Variants in EPHX2 observed in about 807,000 individuals in gnomAD.
EPHX2 encodes the protein bifunctional epoxide hydrolase 2.
EPHX2 carries 74 observed loss-of-function variants against 78.7 expected under a neutral mutation model. That is an observed-to-expected ratio of 0.94 (90% CI 0.78 to 1.14). The LOEUF (loss-of-function observed/expected upper bound fraction) is 1.14, where lower values mean the gene tolerates loss of function less well. Ranked by LOEUF, EPHX2 falls within the 50% of genes most tolerant of loss-of-function variation. The probability of loss-of-function intolerance (pLI) is 0.00; values close to 1 mark genes in which losing one functional copy is unlikely to be tolerated. For missense variants in EPHX2, 715 were observed against 702.5 expected (o/e 1.02, Z -0.20); for synonymous variants, 251 against 255.2 (o/e 0.98, Z 0.16).
chr8:27,533,882 C>T (rs1456851148), intron 12 of EPHX2, among the ~76,000 whole-genome samples: 1 of 152,196 alleles, frequency 6.6e-6, no homozygotes, highest in African/African-American at 2.4e-5. Context: ...GCCACCACAC[C>T]TAGACTCTTT....
intron 5 of EPHX2, among the ~76,000 whole-genome samples, chr8:27,507,244 T>G (rs1250620150): frequency 6.6e-6 from 1 of 152,202 alleles, no homozygotes; most frequent in African/African-American, 2.4e-5. Flanking sequence ...GCCGGGGAAC[T>G]GGCAGCAAGA....
At chr8:27,501,237 A>G (rs1813756693) in intron 2 of EPHX2, among the ~76,000 whole-genome samples, 1 of 152,236 alleles carries the variant, frequency 6.6e-6, no homozygotes, top group Non-Finnish European at 1.5e-5. Flanking sequence ...TGGGAAGAAC[A>G]TTATTGAATT....
intron 7 of EPHX2, 41 bp downstream of exon 7, chr8:27,515,854 TG>T (rs1563349485): frequency 6.4e-7 from 1 of 1,566,326 alleles, no homozygotes. Context: ...AGGGTGAGGT[TG>T]GGGGAGTCTA....
In EPHX2 at chr8:27,544,588, T is replaced by A. The variant is rs1364590384; in HGVS notation, c.*66T>A. 2.6e-6 allele frequency: 4 copies of A among 1,539,926 alleles called. No homozygotes were observed. In the East Asian group the frequency reaches 9.0e-5, roughly 35 times the overall value. The stretch of plus-strand genomic sequence containing the variant: ...CCACCTGCTGGGGCACCATTCTTAG[T>A]ATACAGAGGTGGCCTTACACACATC... On this transcript the variant is annotated 3_prime_UTR_variant, in exon 19 of 19. Coordinates refer to ENST00000521400, the MANE Select transcript of EPHX2 (RefSeq NM_001979.6).
rs773228498 is a variant in EPHX2 at position 27,491,268 on chromosome 8, C to A, written c.60C>A (p.Phe20Leu). 1.9e-5 allele frequency: 30 copies of A among 1,579,262 alleles called. No individual in the cohort carries two copies. The highest frequency in any genetic ancestry group is 2.5e-5 in the Non-Finnish European group (29 of 1,172,038). Residue 20 changes from phenylalanine to leucine, a missense_variant, in exon 1 of 19, where the codon TTC becomes TTA. Coordinates refer to ENST00000521400, the MANE Select transcript of EPHX2 (RefSeq NM_001979.6). Reference protein sequence around the residue: ...LDGVLALPAVFGVLGRTEEAL... With the variant: ...LDGVLALPAVLGVLGRTEEAL... Reference sequence around the variant, plus strand: ...GGGTGCTGGCGCTGCCAGCGGTGTTCGGCGTCCTCGGCCGCACGGAGGAGG... The same window carrying A: ...GGGTGCTGGCGCTGCCAGCGGTGTTAGGCGTCCTCGGCCGCACGGAGGAGG...
At chr8:27,513,577 CAG>C (rs896583687) in intron 6 of EPHX2, among the ~76,000 whole-genome samples, 22 of 152,308 alleles carry the variant, frequency 1.4e-4, no homozygotes, top group African/African-American at 2.2e-4. Flanking sequence ...GCCAGGCTCT[CAG>C]GGGGCTGTTG....
chr8:27,522,051 TG>T (rs1258232637), intron 10 of EPHX2, among the ~76,000 whole-genome samples: 1 of 151,970 alleles, frequency 6.6e-6, no homozygotes, highest in East Asian at 1.9e-4. Context: ...AGTGGGGTTG[TG>T]GGGGGTAGAA....
intron 14 of EPHX2, among the ~76,000 whole-genome samples, chr8:27,539,983 C>G (rs751840586): frequency 4.6e-5 from 7 of 152,190 alleles, no homozygotes; most frequent in Non-Finnish European, 7.3e-5. Context: ...GGGGTCATCA[C>G]AGGCCATCCT....
chr8:27,491,819 C>T (rs1586421716), intron 1 of EPHX2, among the ~76,000 whole-genome samples: 1 of 152,088 alleles, frequency 6.6e-6, no homozygotes, highest in African/African-American at 2.4e-5. Flanking sequence ...GAATCTGAAG[C>T]TATTTATACA....
intron 12 of EPHX2, among the ~76,000 whole-genome samples, chr8:27,532,283 G>C (rs1300952553): frequency 6.6e-6 from 1 of 152,108 alleles, no homozygotes; most frequent in Non-Finnish European, 1.5e-5. Context: ...GAAATGGGAG[G>C]AAAATAACAG....
chr8:27,536,108 C>T (rs1483080614), intron 12 of EPHX2, among the ~76,000 whole-genome samples: 1 of 152,134 alleles, frequency 6.6e-6, no homozygotes, highest in African/African-American at 2.4e-5. Context: ...CTGGAAGGAC[C>T]TGGTCATTTG....
Position 27,516,314 on chromosome 8 carries a change from T to C in EPHX2, c.832-6T>C. The stretch of plus-strand genomic sequence containing the variant: ...CCATGCTGGAGTGTGCCTGTTTGTT[T>C]TCTAGATCCCTGCTCTGGCCCAGGC... On this transcript the variant is annotated splice_polypyrimidine_tract_variant and splice_region_variant and intron_variant, in intron 7 of 18. Coordinates refer to ENST00000521400, the MANE Select transcript of EPHX2 (RefSeq NM_001979.6). 6.2e-7 allele frequency: 1 copy of C among 1,613,536 alleles called. No homozygotes were observed. Among genetic ancestry groups the C allele is most frequent in the East Asian group, 2.2e-5 (1 of 44,840 alleles).
chr8:27,511,984 C>T (rs1464910545), intron 6 of EPHX2, 74 bp downstream of exon 6: 1 of 1,441,774 alleles, frequency 6.9e-7, no homozygotes, highest in Non-Finnish European at 9.8e-7. Flanking sequence ...CAGAGACACC[C>T]AAGAGGCTGA....
chr8:27,516,179 T>G (rs1814444954), intron 7 of EPHX2, 141 bp from the exon 8 acceptor site: 1 of 850,160 alleles, frequency 1.2e-6, no homozygotes, highest in South Asian at 1.6e-5. Context: ...TTATTTCAGC[T>G]CCATGGCAAA....
At chr8:27,516,444 A>C in intron 8 of EPHX2, 46 bp downstream of exon 8, 1 of 1,581,208 alleles carries the variant, frequency 6.3e-7, no homozygotes, top group Non-Finnish European at 8.7e-7. Flanking sequence ...CTTGCCTTCT[A>C]CCTGCCTGAG....
chr8:27,494,291 G>T lies in EPHX2; in HGVS notation c.101+2982G>T, dbSNP rs115256148. 3.1e-3 allele frequency among the ~76,000 whole-genome samples: 472 copies of T among 152,276 alleles called. 2 individuals carry two copies. The highest frequency in any genetic ancestry group is 0.011 in the African/African-American group (455 of 41,540). On this transcript the variant is annotated intron_variant, in intron 1 of 18. Coordinates refer to ENST00000521400, the MANE Select transcript of EPHX2 (RefSeq NM_001979.6). ...AAAGTTAAGATGGTATTCGGTATTC[G>T]TGGTCACAAGGTCTTGTATGGGCTT...
At chr8:27,541,426 C>T (rs780194321) in intron 15 of EPHX2, 47 bp from the exon 16 acceptor site, 2 of 1,590,548 alleles carry the variant, frequency 1.3e-6, no homozygotes, top group African/African-American at 2.7e-5. Context: ...TGTAGCAGAG[C>T]CGTCTACTTA....
chr8:27,538,006 C>T (rs984072106), intron 13 of EPHX2, among the ~76,000 whole-genome samples: 1 of 152,170 alleles, frequency 6.6e-6, no homozygotes, highest in Admixed American at 6.5e-5. Context: ...GTGGCATTAC[C>T]AACCCAGGCT....
intron 15 of EPHX2, 37 bp downstream of exon 15, chr8:27,540,693 T>C: frequency 1.9e-6 from 3 of 1,564,252 alleles, no homozygotes; most frequent in Non-Finnish European, 2.6e-6. Context: ...AGATGAGAGA[T>C]GATCGACAGA....
Sources: allele counts gnomAD v4.1 joint callset (sites outside exome capture counted in the v4.1 genomes callset), GRCh38; gene constraint gnomAD v4.1.1; transcripts MANE v1.5; gene names NCBI Gene and HGNC (gene_info 2026-07-23, HGNC 2026-07-21).